Variants in SGCZ observed in about 807,000 individuals in gnomAD.
SGCZ encodes zeta-sarcoglycan.
Under a neutral mutation model 41.3 loss-of-function variants are expected in SGCZ, and 40 were observed. That is an observed-to-expected ratio of 0.97 (90% CI 0.75 to 1.26). SGCZ has a LOEUF of 1.26. Ranked by LOEUF, SGCZ falls within the 50% of genes most tolerant of loss-of-function variation. The probability of loss-of-function intolerance (pLI) is 0.00; values close to 1 mark genes in which losing one functional copy is unlikely to be tolerated. For missense variants in SGCZ, 552 were observed against 369.8 expected (o/e 1.49, Z -4.04); for synonymous variants, 206 against 137.5 (o/e 1.50, Z -3.49).
intron 4 of SGCZ, among the ~76,000 whole-genome samples, chr8:14,209,198 T>G (rs1805715844): frequency 1.3e-5 from 2 of 152,346 alleles, no homozygotes; most frequent in South Asian, 2.1e-4. Flanking sequence ...CGTCACATGT[T>G]GTCCAACCAA....
At chr8:14,309,153 G>T (rs1315098534) in intron 3 of SGCZ, 1 of 1,466,986 alleles carries the variant, frequency 6.8e-7, no homozygotes, top group Admixed American at 1.7e-5. Flanking sequence ...TGGGCACTCT[G>T]GTTTTTTAAA....
intron 1 of SGCZ, among the ~76,000 whole-genome samples, chr8:14,556,917 A>G (rs187859557): frequency 2.4e-4 from 36 of 152,114 alleles, no homozygotes; most frequent in Admixed American, 9.2e-4. Flanking sequence ...TTTTTTTTGT[A>G]TAATGACTTC....
intron 1 of SGCZ, among the ~76,000 whole-genome samples, chr8:14,934,158 T>C (rs892445184): frequency 6.6e-6 from 1 of 151,942 alleles, no homozygotes; most frequent in African/African-American, 2.4e-5. Context: ...ATAAAACTTA[T>C]GGACAGTGTT....
At chr8:15,186,742 A>G (rs1313022685) in intron 1 of SGCZ, among the ~76,000 whole-genome samples, 1 of 152,230 alleles carries the variant, frequency 6.6e-6, no homozygotes, top group East Asian at 1.9e-4. Context: ...GCTGATTTCA[A>G]TCAGAAATAA....
At chr8:14,784,637 G>T (rs1013349059) in intron 1 of SGCZ, among the ~76,000 whole-genome samples, 2 of 151,716 alleles carry the variant, frequency 1.3e-5, no homozygotes, top group African/African-American at 4.8e-5. Flanking sequence ...GATCATGCTT[G>T]TAATCTAAGC....
chr8:14,312,373 T>A (rs566623745), intron 3 of SGCZ, among the ~76,000 whole-genome samples: 1 of 152,280 alleles, frequency 6.6e-6, no homozygotes, highest in African/African-American at 2.4e-5. Flanking sequence ...ACTTAGAGGA[T>A]TCTATATAGC....
intron 2 of SGCZ, among the ~76,000 whole-genome samples, chr8:14,423,177 G>T (rs1031504261): frequency 1.3e-5 from 2 of 151,890 alleles, no homozygotes; most frequent in African/African-American, 2.4e-5. Flanking sequence ...TGGGCGGAGG[G>T]GGGAGGGATA....
At chr8:14,616,581 C>A (rs989432833) in intron 1 of SGCZ, among the ~76,000 whole-genome samples, 3 of 152,040 alleles carry the variant, frequency 2.0e-5, no homozygotes, top group Non-Finnish European at 4.4e-5. Context: ...ACATCCCTGT[C>A]CAGGTGTTCT....
At chr8:14,329,613 A>T (rs1193842171) in intron 2 of SGCZ, among the ~76,000 whole-genome samples, 3 of 152,040 alleles carry the variant, frequency 2.0e-5, no homozygotes, top group Non-Finnish European at 2.9e-5. Flanking sequence ...CCAAAGTGTC[A>T]CCTTAGCCTC....
At chr8:14,345,254 A>G (rs1412027682) in intron 2 of SGCZ, among the ~76,000 whole-genome samples, 1 of 152,144 alleles carries the variant, frequency 6.6e-6, no homozygotes, top group Non-Finnish European at 1.5e-5. Flanking sequence ...AGAGTCAGAA[A>G]TCTTAAAAAG....
At chr8:15,040,323 A>G (rs1804045523) in intron 1 of SGCZ, among the ~76,000 whole-genome samples, 1 of 152,206 alleles carries the variant, frequency 6.6e-6, no homozygotes, top group African/African-American at 2.4e-5. Context: ...CTTTTTAAAA[A>G]GTGATTTCGT....
intron 3 of SGCZ, among the ~76,000 whole-genome samples, chr8:14,269,463 C>G (rs1427021): frequency 1.3e-5 from 2 of 151,864 alleles, no homozygotes; most frequent in East Asian, 3.9e-4. Context: ...AAACGAGGCA[C>G]TGCATCAGAA....
chr8:15,128,951 G>T (rs937697002), intron 1 of SGCZ, among the ~76,000 whole-genome samples: 4 of 151,932 alleles, frequency 2.6e-5, no homozygotes, highest in Non-Finnish European at 5.9e-5. Context: ...CCCCAAACTT[G>T]GTGAATTCCA....
intron 1 of SGCZ, among the ~76,000 whole-genome samples, chr8:14,882,181 C>G (rs775736405): frequency 5.3e-5 from 8 of 152,162 alleles, no homozygotes; most frequent in Non-Finnish European, 1.0e-4. Context: ...CAAAGTAGCT[C>G]CTATATCTGA....
intron 1 of SGCZ, among the ~76,000 whole-genome samples, chr8:14,656,926 G>A (rs1332989108): frequency 6.6e-6 from 1 of 151,370 alleles, no homozygotes; most frequent in Non-Finnish European, 1.5e-5. Context: ...TAAAATACTA[G>A]AAACAACATA....
At chr8:14,101,488 T>C (rs1297956178) in intron 7 of SGCZ, among the ~76,000 whole-genome samples, 1 of 152,196 alleles carries the variant, frequency 6.6e-6, no homozygotes, top group East Asian at 1.9e-4. Context: ...TATCACTTTA[T>C]AGTGGAAAAA....
intron 1 of SGCZ, among the ~76,000 whole-genome samples, chr8:14,909,497 C>T (rs776929611): frequency 4.6e-5 from 7 of 151,982 alleles, no homozygotes; most frequent in Admixed American, 4.6e-4. Flanking sequence ...CTTAAATTAT[C>T]TGTGTCTGAT....
intron 1 of SGCZ, among the ~76,000 whole-genome samples, chr8:14,776,723 G>C (rs1265911995): frequency 6.6e-6 from 1 of 151,796 alleles, no homozygotes; most frequent in Non-Finnish European, 1.5e-5. Flanking sequence ...TCCATCTCCT[G>C]ACCTTGTGAC....
At chr8:15,159,168 A>G (rs1799423519) in intron 1 of SGCZ, among the ~76,000 whole-genome samples, 1 of 152,188 alleles carries the variant, frequency 6.6e-6, no homozygotes, top group Admixed American at 6.5e-5. Context: ...TGAGGCCTCT[A>G]TAAAAATCCA....
Sources: allele counts gnomAD v4.1 joint callset (sites outside exome capture counted in the v4.1 genomes callset), GRCh38; gene constraint gnomAD v4.1.1; transcripts MANE v1.5; gene names NCBI Gene and HGNC (gene_info 2026-07-23, HGNC 2026-07-21).